Variants in PLEKHA1 observed in about 807,000 individuals in gnomAD.
PLEKHA1 encodes the protein pleckstrin homology domain containing A1.
Under a neutral mutation model 52.0 loss-of-function variants are expected in PLEKHA1, and 34 were observed. The ratio of observed to expected loss-of-function variants is 0.65; its 90% CI spans 0.50 to 0.87. PLEKHA1 has a LOEUF of 0.87. PLEKHA1 is among the 40% of genes least tolerant of loss of function. The probability of loss-of-function intolerance (pLI) is 0.00; values close to 1 mark genes in which losing one functional copy is unlikely to be tolerated. For missense variants in PLEKHA1, 497 were observed against 504.2 expected, an observed-to-expected ratio of 0.99 and a Z score of 0.14; for synonymous variants, 163 against 170.7, an observed-to-expected ratio of 0.95 and a Z score of 0.35.
At chr10:122,425,063 AT>A in intron 10 of PLEKHA1, 104 bp downstream of exon 10, 2 of 974,868 alleles carry the variant, frequency 2.1e-6, no homozygotes, top group Middle Eastern at 2.8e-4. Context: ...GGTTAAAAAA[AT>A]ATGACAACTG....
At position 122,429,728 on chromosome 10, in the gene PLEKHA1, A is replaced by C. The variant is rs934782829; in HGVS notation, c.1005A>C (p.Ser335=). The C allele has an allele frequency of 1.2e-6, 2 of 1,614,048 alleles. No individual in the cohort carries two copies. The highest frequency in any genetic ancestry group is 2.7e-5 in the African/African-American group (2 of 74,888). ...STASRSNSLV[S]TFTMEKRGFY... Reference sequence around the variant, plus strand: ...CCTCTCGCAGCAACTCTTTGGTCTCAACCTTTACCATGGAGAAGCGAGGAT... The same window carrying C: ...CCTCTCGCAGCAACTCTTTGGTCTCCACCTTTACCATGGAGAAGCGAGGAT... The change falls in exon 12 of 12, where the codon TCA becomes TCC. Residue 335 remains serine, a synonymous_variant. Transcript: ENST00000368990.
chr10:122,411,854 C>T (rs2097110992), intron 5 of PLEKHA1: 1 of 152,198 alleles, frequency 6.6e-6, no homozygotes, highest in African/African-American at 2.4e-5. Flanking sequence ...TGTTTCTACA[C>T]CACTACTTCA....
intron 1 of PLEKHA1, chr10:122,388,012 T>G (rs2096724210): frequency 6.6e-6 from 1 of 152,240 alleles, no homozygotes; most frequent in Non-Finnish European, 1.5e-5. Flanking sequence ...TCCTTTTATT[T>G]TTTTAGTCGA....
At chr10:122,426,589 A>G (rs1489285756) in intron 10 of PLEKHA1, among the ~76,000 whole-genome samples, 2 of 152,208 alleles carry the variant, frequency 1.3e-5, no homozygotes, top group African/African-American at 2.4e-5. Context: ...AAATTACACA[A>G]CTACATAAAT....
At position 122,417,877 on chromosome 10, in the gene PLEKHA1, A is replaced by T. The variant is rs548403217; in HGVS notation, c.613-23A>T. 217 of 1,577,344 alleles carry T rather than the reference A, an allele frequency of 1.4e-4. 2 individuals carry two copies. The Admixed American group carries it at 3.3e-3, about 24-fold the overall frequency. On this transcript the variant is annotated intron_variant, in intron 7 of 11. Transcript: ENST00000368990. ...TGACATTCTTAGAAACACAAGTCTT[A>T]TGTCTGTGTTCATCTCTGGTAGATG...
At chr10:122,420,015 A>G (rs1480562181) in intron 8 of PLEKHA1, 1 of 152,234 alleles carries the variant, frequency 6.6e-6, no homozygotes, top group Admixed American at 6.5e-5. Context: ...CCATATGCAC[A>G]GTACCTTTGG....
chr10:122,415,820 C>T, intron 6 of PLEKHA1, 39 bp from the exon 7 acceptor site: 1 of 1,558,204 alleles, frequency 6.4e-7, no homozygotes, highest in Non-Finnish European at 8.8e-7. Flanking sequence ...GTATGCTAAA[C>T]AAGCAAGAAA....
At chr10:122,426,845 A>G (rs771257516) in intron 10 of PLEKHA1, 97 bp from the exon 11 acceptor site, 1 of 1,083,314 alleles carries the variant, frequency 9.2e-7, no homozygotes, top group Non-Finnish European at 1.3e-6. Context: ...GATTTTGTTG[A>G]TGACAGTATT....
chr10:122,435,970 T>C (rs970710746), downstream of PLEKHA1: 2 of 151,954 alleles, frequency 1.3e-5, no homozygotes, highest in African/African-American at 4.8e-5. Context: ...ACTAATACAA[T>C]ATTATAACCA....
At chr10:122,398,511 G>T (rs1204894023) in intron 3 of PLEKHA1, among the ~76,000 whole-genome samples, 3 of 151,068 alleles carry the variant, frequency 2.0e-5, no homozygotes, top group Non-Finnish European at 4.4e-5. Flanking sequence ...TTGATTTTAT[G>T]TTTGTCAGGT....
chr10:122,410,330 T>G (rs2097090613), intron 5 of PLEKHA1, among the ~76,000 whole-genome samples: 1 of 152,114 alleles, frequency 6.6e-6, no homozygotes, highest in Non-Finnish European at 1.5e-5. Context: ...TAAAAAAGGA[T>G]AGAAAGCCAA....
At chr10:122,419,677 G>A (rs1347665183) in intron 8 of PLEKHA1, 1 of 152,134 alleles carries the variant, frequency 6.6e-6, no homozygotes, top group African/African-American at 2.4e-5. Flanking sequence ...ATCATCAACA[G>A]TAGTTTTAAT....
intron 11 of PLEKHA1, 116 bp from the exon 12 acceptor site, chr10:122,429,494 TTGTGTGTGTGTGTG>T (rs35620141): frequency 6.3e-5 from 41 of 655,848 alleles, no homozygotes; most frequent in Middle Eastern, 6.9e-4. Flanking sequence ...GCTGCTGCCT[TTGTGTGTGTGTGTG>T]TGTGTGTGTG....
At chr10:122,391,171 A>G (rs76973513) in intron 1 of PLEKHA1, among the ~76,000 whole-genome samples, 1,674 of 151,950 alleles carry the variant, frequency 0.011, 37 homozygotes, top group African/African-American at 0.039. Context: ...TTACTTATGT[A>G]TTCTGGATAC....
intron 1 of PLEKHA1, among the ~76,000 whole-genome samples, chr10:122,377,238 A>G (rs2096550886): frequency 6.6e-6 from 1 of 152,226 alleles, no homozygotes; most frequent in Non-Finnish European, 1.5e-5. Flanking sequence ...TTGTGACAAT[A>G]GTAACATTGC....
At chr10:122,439,247 T>G in the PLEKHA1 span, 1 of 152,236 alleles carries the variant, frequency 6.6e-6, no homozygotes. Flanking sequence ...ATATGTTATT[T>G]TAAAAATCTG....
intron 1 of PLEKHA1, among the ~76,000 whole-genome samples, chr10:122,375,315 T>C (rs1261134100): frequency 1.3e-5 from 2 of 152,086 alleles, no homozygotes; most frequent in African/African-American, 4.8e-5. Flanking sequence ...CATCCTTTCC[T>C]GGTGTTTAAT....
At chr10:122,417,659 A>C (rs1045665987) in intron 7 of PLEKHA1, among the ~76,000 whole-genome samples, 4 of 151,786 alleles carry the variant, frequency 2.6e-5, no homozygotes, top group Non-Finnish European at 5.9e-5. Flanking sequence ...AAAAAAAAAA[A>C]AAAACACATA....
intron 8 of PLEKHA1, 66 bp downstream of exon 8, chr10:122,418,034 A>G (rs573220099): frequency 2.3e-6 from 3 of 1,285,530 alleles, no homozygotes; most frequent in Admixed American, 1.7e-5. Context: ...TAGTGATTAT[A>G]TATAATTTCT....
Sources: gnomAD v4.1 joint callset for allele counts (sites outside exome capture counted in the v4.1 genomes callset) on GRCh38, gnomAD v4.1.1 for gene constraint, MANE v1.5 for transcripts, NCBI Gene and HGNC (gene_info 2026-07-23, HGNC 2026-07-21) for gene names.